The following LCORL variants were observed in gnomAD, a reference collection of about 807,000 sequenced individuals.
The protein encoded by LCORL is ligand-dependent nuclear receptor corepressor-like protein.
Under a neutral mutation model 141.8 loss-of-function variants are expected in LCORL, and 41 were observed. The ratio of observed to expected loss-of-function variants is 0.29; its 90% CI spans 0.23 to 0.38. The LOEUF (loss-of-function observed/expected upper bound fraction) is 0.38, where lower values mean the gene tolerates loss of function less well. Ranked by LOEUF, LCORL falls within the 10% of genes least tolerant of loss-of-function variation. The probability of loss-of-function intolerance (pLI) is 1.00; values close to 1 mark genes in which losing one functional copy is unlikely to be tolerated. For synonymous variants in LCORL, 618 were observed against 694.1 expected (o/e 0.89, Z 1.72); for missense variants, 1,759 against 2,035.0 (o/e 0.86, Z 2.61).
chr4:17,908,653 T>C lies in LCORL; in HGVS notation c.682+441A>G, dbSNP rs553048128. ...TAGTTAGTTACATGATAACATTATATTTGTCACAGACATTCCATTTCCTCT... is the reference window on the plus strand; with the variant it reads ...TAGTTAGTTACATGATAACATTATACTTGTCACAGACATTCCATTTCCTCT... On this transcript the variant is annotated intron_variant, in intron 5 of 7. Transcript: ENST00000635767. 1.8e-3 allele frequency among the ~76,000 whole-genome samples: 274 copies of C among 152,320 alleles called. 1 individual carries two copies. Among genetic ancestry groups the C allele is most frequent in the African/African-American group, 6.4e-3 (267 of 41,570 alleles).
Position 17,843,447 on chromosome 4 carries a change from C to G in LCORL, c.*2441G>C, listed in dbSNP as rs764161445. ...TTAGGAAAGACGATGGAGGTGGAAT[C>G]CTTTAAGATTATGTCCAGTTATTTG... On this transcript the variant is annotated 3_prime_UTR_variant, in exon 8 of 8. Transcript: ENST00000635767. 8.7e-6 allele frequency: 14 copies of G among 1,608,048 alleles called. 2 individuals are homozygous for G. In the Middle Eastern group the frequency reaches 1.7e-3, roughly 191 times the overall value.
chr4:17,856,363 G>A (rs1221858374), intron 7 of LCORL, among the ~76,000 whole-genome samples: 3 of 152,132 alleles, frequency 2.0e-5, no homozygotes, highest in Admixed American at 1.3e-4. Flanking sequence ...TGGTGTTCCT[G>A]TAAGAGGAGG....
At chr4:17,922,586 G>T (rs575322635) in intron 4 of LCORL, among the ~76,000 whole-genome samples, 1 of 152,254 alleles carries the variant, frequency 6.6e-6, no homozygotes, top group East Asian at 1.9e-4. Flanking sequence ...TTCTAAGATT[G>T]CCCTGAGTGA....
chr4:17,935,330 A>G (rs140164435), intron 4 of LCORL, among the ~76,000 whole-genome samples: 327 of 152,222 alleles, frequency 2.1e-3, no homozygotes, highest in African/African-American at 7.4e-3. Flanking sequence ...TACTTAACAT[A>G]TATTTCCATG....
intron 1 of LCORL, among the ~76,000 whole-genome samples, chr4:18,011,391 A>C (rs1392940526): frequency 1.3e-5 from 2 of 152,100 alleles, no homozygotes; most frequent in African/African-American, 4.8e-5. Context: ...TCCAAATGAA[A>C]ATAAGCTGAC....
At chr4:17,878,807 CTAAAG>C (rs1211800618) in intron 6 of LCORL, among the ~76,000 whole-genome samples, 2 of 151,292 alleles carry the variant, frequency 1.3e-5, no homozygotes, top group Admixed American at 6.6e-5. Flanking sequence ...ATGTTAAATA[CTAAAG>C]TAATTTCATA....
intron 4 of LCORL, among the ~76,000 whole-genome samples, chr4:17,914,955 T>G (rs182637256): frequency 2.6e-5 from 4 of 152,180 alleles, no homozygotes; most frequent in Admixed American, 1.3e-4. Flanking sequence ...GTGTAACCAA[T>G]AGCGTACTGC....
At chr4:17,875,073 A>G (rs765608180) in exon 7 of LCORL, 12 of 1,233,512 alleles carry the variant, frequency 9.7e-6, no homozygotes, top group East Asian at 3.2e-5. Flanking sequence ...AGTGTGCCTT[A>G]TTTTATCCAT....
chr4:17,950,912 C>T (rs1321458084), intron 4 of LCORL, among the ~76,000 whole-genome samples: 1 of 152,216 alleles, frequency 6.6e-6, no homozygotes. Context: ...GAGTATTGGG[C>T]GACCAGGAGC....
intron 5 of LCORL, among the ~76,000 whole-genome samples, chr4:17,902,861 G>T (rs1478339467): frequency 2.0e-5 from 3 of 151,656 alleles, no homozygotes; most frequent in Admixed American, 6.6e-5. Flanking sequence ...ATAACATTTT[G>T]AAGTAATTAA....
In LCORL at chr4:17,954,581, T is replaced by C. The variant is rs559885884; in HGVS notation, c.430+7322A>G. Among the ~76,000 whole-genome samples the C allele has an allele frequency of 4.2e-3, 298 of 71,036 alleles. 2 individuals carry two copies. Among genetic ancestry groups the C allele is most frequent in the African/African-American group, 0.015 (280 of 18,936 alleles). 46.6% of individuals were successfully genotyped at this position (71,036 alleles called of 152,430 possible). ...TTTTCTTTTTGCATAGAAAGCTGAA[T>C]TGGTAAGATGGGGGGAGAAGTAGAA... On this transcript the variant is annotated intron_variant, in intron 4 of 7. Transcript: ENST00000635767.
chr4:17,940,462 T>G (rs1737758216), intron 4 of LCORL, among the ~76,000 whole-genome samples: 1 of 144,842 alleles, frequency 6.9e-6, no homozygotes, highest in East Asian at 1.9e-4. Flanking sequence ...GTAATATATA[T>G]TATGTAATAT....
At chr4:17,934,636 A>T (rs563321987) in intron 4 of LCORL, among the ~76,000 whole-genome samples, 1 of 152,280 alleles carries the variant, frequency 6.6e-6, no homozygotes, top group Admixed American at 6.5e-5. Context: ...TTTAGCTGCA[A>T]GTTTTATCAT....
chr4:17,869,162 G>T (rs989749338), intron 7 of LCORL, among the ~76,000 whole-genome samples: 33 of 150,254 alleles, frequency 2.2e-4, no homozygotes, highest in African/African-American at 8.1e-4. Context: ...ATTTCCATTG[G>T]TTGCCATCTC....
At chr4:17,936,752 T>C (rs907119459) in intron 4 of LCORL, among the ~76,000 whole-genome samples, 2 of 152,184 alleles carry the variant, frequency 1.3e-5, no homozygotes, top group African/African-American at 4.8e-5. Flanking sequence ...CATGTATGTG[T>C]TTCTAATTCT....
chr4:18,006,271 C>A, intron 1 of LCORL, among the ~76,000 whole-genome samples: 1 of 152,070 alleles, frequency 6.6e-6, no homozygotes, highest in East Asian at 1.9e-4. Context: ...CATCTGATAC[C>A]ACCTCAGCTT....
At chr4:17,875,380 T>A in exon 7 of LCORL, 2 of 1,231,336 alleles carry the variant, frequency 1.6e-6, no homozygotes, top group Non-Finnish European at 2.0e-6. Flanking sequence ...CTTTCAGTAG[T>A]CAAGCTTGCT....
At chr4:17,933,429 G>C (rs1736365754) in intron 4 of LCORL, among the ~76,000 whole-genome samples, 1 of 151,878 alleles carries the variant, frequency 6.6e-6, no homozygotes, top group Non-Finnish European at 1.5e-5. Context: ...TTTCTCCAAA[G>C]ACTCTATATT....
intron 1 of LCORL, among the ~76,000 whole-genome samples, chr4:17,983,327 TAGC>T (rs2109734980): frequency 6.6e-6 from 1 of 152,320 alleles, no homozygotes; most frequent in South Asian, 2.1e-4. Context: ...TTGATAGAAA[TAGC>T]AGTGAATCTA....
Sources: gnomAD v4.1 joint callset for allele counts (sites outside exome capture counted in the v4.1 genomes callset) on GRCh38, gnomAD v4.1.1 for gene constraint, MANE v1.5 for transcripts, NCBI Gene and HGNC (gene_info 2026-07-23, HGNC 2026-07-21) for gene names.